CDH23: variants seen among roughly 807,000 people sequenced by gnomAD.
The protein encoded by CDH23 is cadherin-23.
CDH23 carries 189 observed loss-of-function variants against 317.1 expected under a neutral mutation model. The observed-to-expected ratio is 0.60, with a 90% CI of 0.53 to 0.67. The LOEUF (loss-of-function observed/expected upper bound fraction) is 0.67. Ranked by LOEUF, CDH23 falls within the 30% of genes least tolerant of loss-of-function variation. The pLI, the probability that CDH23 is intolerant of heterozygous loss-of-function variation, is 0.00. For missense variants in CDH23, 4,401 were observed against 4,592.4 expected (o/e 0.96, Z 1.20); for synonymous variants, 1,839 against 1,876.8 (o/e 0.98, Z 0.52).
intron 6 of CDH23, among the ~76,000 whole-genome samples, chr10:71,552,637 G>C (rs1856660970): frequency 6.6e-6 from 1 of 152,206 alleles, no homozygotes; most frequent in Non-Finnish European, 1.5e-5. Context: ...CTTGGAACTA[G>C]AGTGCCTTGG....
chr10:71,528,224 G>A (rs190746644), intron 6 of CDH23, among the ~76,000 whole-genome samples: 130 of 152,180 alleles, frequency 8.5e-4, no homozygotes, highest in African/African-American at 3.1e-3. Context: ...TGACAAGAAA[G>A]ACCATCCTGG....
intron 6 of CDH23, among the ~76,000 whole-genome samples, chr10:71,562,624 G>C (rs1347347544): frequency 6.6e-6 from 1 of 152,244 alleles, no homozygotes; most frequent in East Asian, 1.9e-4. Context: ...AAGGAGCTGA[G>C]ACCCATGCAG....
chr10:71,742,621 G>A (rs953297818), intron 38 of CDH23, among the ~76,000 whole-genome samples: 1 of 152,196 alleles, frequency 6.6e-6, no homozygotes, highest in African/African-American at 2.4e-5. Flanking sequence ...GAGCAAGTCA[G>A]AACCTCTCAG....
At chr10:71,708,121 C>T (rs1173419759) in intron 26 of CDH23, among the ~76,000 whole-genome samples, 1 of 152,202 alleles carries the variant, frequency 6.6e-6, no homozygotes, top group African/African-American at 2.4e-5. Flanking sequence ...CTGCCCTGGG[C>T]TCCCCGGGAG....
chr10:71,612,172 G>A (rs928348723), intron 9 of CDH23, among the ~76,000 whole-genome samples: 1 of 152,066 alleles, frequency 6.6e-6, no homozygotes, highest in Non-Finnish European at 1.5e-5. Context: ...TTAATCACTC[G>A]TGCTTGGCAG....
intron 14 of CDH23, among the ~76,000 whole-genome samples, chr10:71,668,294 G>A (rs1863996965): frequency 6.6e-6 from 1 of 152,158 alleles, no homozygotes. Context: ...GGCAAGAAGG[G>A]CAAACTGCCT....
At position 71,709,134 on chromosome 10, in the gene CDH23, G is replaced by A. The variant is rs747839724; in HGVS notation, c.3143G>A (p.Arg1048His). 28 of 1,613,832 alleles carry A rather than the reference G, an allele frequency of 1.7e-5. No individual in the cohort carries two copies. The highest frequency in any genetic ancestry group is 4.5e-5 in the East Asian group (2 of 44,900). Residue 1048 changes from arginine (R) to histidine (H), a missense_variant, in exon 27 of 70, where the codon CGC becomes CAC. This residue lies in a region of CDH23 where 3,068 missense variants were observed against 3,203.3 expected (regional missense o/e 0.96). Transcript: ENST00000224721. ...NVDGKFSVGY[R>H]DAVVRTVVGL... ...GATGGGAAGTTCAGCGTGGGTTACCGCGATGCCGTTGTGAGAACCGTGGTG... is the reference window on the plus strand; with the variant it reads ...GATGGGAAGTTCAGCGTGGGTTACCACGATGCCGTTGTGAGAACCGTGGTG...
At chr10:71,618,994 C>T (rs1384952670) in intron 11 of CDH23, among the ~76,000 whole-genome samples, 1 of 152,160 alleles carries the variant, frequency 6.6e-6, no homozygotes, top group African/African-American at 2.4e-5. Flanking sequence ...ACCCATGGTC[C>T]TAGGAGTCAA....
chr10:71,546,905 T>A (rs551881318), intron 6 of CDH23, among the ~76,000 whole-genome samples: 1 of 152,334 alleles, frequency 6.6e-6, no homozygotes, highest in South Asian at 2.1e-4. Context: ...ATTTGTTGAA[T>A]GAATGAGAGG....
intron 9 of CDH23, among the ~76,000 whole-genome samples, chr10:71,614,743 A>T (rs534565580): frequency 7.1e-4 from 108 of 152,288 alleles, no homozygotes; most frequent in African/African-American, 2.5e-3. Context: ...AGAATGACAG[A>T]CACTAAAAGA....
rs1839990780 is a variant in CDH23 at position 71,751,260 on chromosome 10, A to G, written c.4845+9339A>G. The G allele has an allele frequency of 6.2e-7, 1 of 1,609,858 alleles. No individual in the cohort carries two copies. Among genetic ancestry groups the G allele is most frequent in the Non-Finnish European group, 8.5e-7 (1 of 1,177,826 alleles). On this transcript the variant is annotated intron_variant, in intron 38 of 69. Coordinates refer to ENST00000224721, the MANE Select transcript of CDH23 (RefSeq NM_022124.6). This position sits in a 1 kb window ranked among gnomAD's most constrained non-coding sequence, Gnocchi z 4.9. ...CACTGTCCCCCAGCTGGGCTAGATG[A>G]CCTCAAAGTTTGGAGAGTCAGGGAC...
chr10:71,451,937 G>A (rs993641364), intron 3 of CDH23, among the ~76,000 whole-genome samples: 28 of 152,154 alleles, frequency 1.8e-4, no homozygotes, highest in Non-Finnish European at 4.4e-5. Flanking sequence ...CAGGCCAGGC[G>A]CTCCCCTCCC....
chr10:71,720,262 C>G (rs1173279063), intron 28 of CDH23, among the ~76,000 whole-genome samples: 3 of 152,158 alleles, frequency 2.0e-5, no homozygotes, highest in Non-Finnish European at 4.4e-5. Flanking sequence ...AAGCACCTTC[C>G]CTTTGAAGGT....
At chr10:71,533,560 C>CACACACACACAA (rs1254927993) in intron 6 of CDH23, among the ~76,000 whole-genome samples, 7 of 141,476 alleles carry the variant, frequency 4.9e-5, no homozygotes, top group African/African-American at 1.8e-4. Flanking sequence ...CACACACACA[C>CACACACACACAA]ACACACACAC....
At chr10:71,712,625 C>G in intron 27 of CDH23, 40 bp from the exon 28 acceptor site, 1 of 1,607,696 alleles carries the variant, frequency 6.2e-7, no homozygotes, top group Non-Finnish European at 8.5e-7. Context: ...GCCCCTCTCT[C>G]AGGCAGCTGC....
chr10:71,791,960 C>T (rs1841262654), intron 47 of CDH23, among the ~76,000 whole-genome samples: 1 of 151,732 alleles, frequency 6.6e-6, no homozygotes, highest in African/African-American at 2.4e-5. Context: ...AACATGATTC[C>T]CATCAAAATC....
intron 14 of CDH23, among the ~76,000 whole-genome samples, chr10:71,662,991 C>G (rs1863742025): frequency 6.6e-6 from 1 of 152,204 alleles, no homozygotes; most frequent in African/African-American, 2.4e-5. Flanking sequence ...TCTCTGCATG[C>G]GTCTTCTCTG....
At chr10:71,517,505 C>A (rs747933244) in intron 6 of CDH23, among the ~76,000 whole-genome samples, 6 of 152,216 alleles carry the variant, frequency 3.9e-5, no homozygotes, top group Non-Finnish European at 8.8e-5. Context: ...CATGGCGTGC[C>A]TGTCAGATGC....
intron 3 of CDH23, among the ~76,000 whole-genome samples, chr10:71,448,346 C>T (rs1418554924): frequency 6.6e-6 from 1 of 152,236 alleles, no homozygotes; most frequent in South Asian, 2.1e-4. Context: ...GATCGGCCTC[C>T]GGAAGCAGCT....
Sources: gnomAD v4.1 joint callset for allele counts (sites outside exome capture counted in the v4.1 genomes callset) on GRCh38, gnomAD v4.1.1 for gene constraint, gnomAD v4.1.1 regional missense constraint, Gnocchi (gnomAD v3.1) non-coding constraint, MANE v1.5 for transcripts, NCBI Gene and HGNC (gene_info 2026-07-23, HGNC 2026-07-21) for gene names.